Variants in CNOT3 observed in about 807,000 individuals in gnomAD.
CNOT3 encodes the protein CCR4-NOT transcription complex subunit 3.
CNOT3 carries 2 observed loss-of-function variants against 89.4 expected under a neutral mutation model. That is an observed-to-expected ratio of 0.02 (90% confidence interval 0.01 to 0.07). The LOEUF is 0.07. Ranked by LOEUF, CNOT3 falls within the 10% of genes least tolerant of loss-of-function variation. The pLI is 1.00. For missense variants in CNOT3, 664 were observed against 1,010.2 expected (o/e 0.66, Z 4.65); for synonymous variants, 486 against 402.0 (o/e 1.21, Z -2.50).
rs763271306 is a variant in CNOT3 at position 54,145,885 on chromosome 19, G to C, written c.704-25G>C. 1.9e-6 allele frequency: 3 copies of C among 1,612,530 alleles called. No homozygotes were observed. In the African/African-American group the frequency reaches 4.0e-5, roughly 22 times the overall value. The stretch of plus-strand genomic sequence containing the variant: ...AGAATGGGCTGTGTGAGCCAGCTAA[G>C]CATGCCCTTCTTCTGCCCCCACAGC... On this transcript the variant is annotated intron_variant, in intron 8 of 17. Transcript: ENST00000221232. The surrounding 1 kb of genome is among the most constrained non-coding windows in gnomAD (Gnocchi z 5.9).
intron 17 of CNOT3, chr19:54,154,999 G>T: frequency 4.4e-6 from 2 of 459,758 alleles, no homozygotes; most frequent in Non-Finnish European, 7.8e-6. Flanking sequence ...CGTGAGAGGT[G>T]CTCAAAAGCC....
At position 54,145,282 on chromosome 19, in the gene CNOT3, A is replaced by G. The variant is rs1422450717; in HGVS notation, c.484-316A>G. 1.3e-5 allele frequency among the ~76,000 whole-genome samples: 2 copies of G among 152,148 alleles called. No homozygotes were observed. The highest frequency in any genetic ancestry group is 3.8e-4 in the East Asian group (2 of 5,200). On this transcript the variant is annotated intron_variant, in intron 7 of 17. Coordinates refer to ENST00000221232, the MANE Select transcript of CNOT3 (RefSeq NM_014516.4). The surrounding 1 kb of genome is among the most constrained non-coding windows in gnomAD (Gnocchi z 5.9). ...GCTCAGTTGAGAAATCTGGGCTGTC[A>G]GGTGAGGTGCAGATGGAGGCCAAGT...
intron 17 of CNOT3, chr19:54,154,104 C>T (rs562623735): frequency 1.5e-6 from 1 of 675,192 alleles, no homozygotes; most frequent in Non-Finnish European, 2.8e-6. Flanking sequence ...GCCACCCAGC[C>T]CAGTGCCTCC....
At chr19:54,142,854 C>G (rs1289856171) in intron 1 of CNOT3, 75 bp from the exon 2 acceptor site, 1 of 933,430 alleles carries the variant, frequency 1.1e-6, no homozygotes, top group Non-Finnish European at 1.7e-6. Flanking sequence ...CCTCACTATG[C>G]TGACTAGGTC....
intron 10 of CNOT3, among the ~76,000 whole-genome samples, chr19:54,147,331 G>A (rs967720568): frequency 6.6e-6 from 1 of 152,222 alleles, no homozygotes; most frequent in East Asian, 1.9e-4. Flanking sequence ...GACACCCTGA[G>A]TGGGCATTGA....
Position 54,145,838 on chromosome 19 carries a change from G to C in CNOT3, c.703+21G>C. 6.2e-7 allele frequency: 1 copy of C among 1,608,456 alleles called. No individual in the cohort carries two copies. Among genetic ancestry groups the C allele is most frequent in the Non-Finnish European group, 8.5e-7 (1 of 1,175,536 alleles). On this transcript the variant is annotated intron_variant, in intron 8 of 17. Transcript: ENST00000221232. The surrounding 1 kb of genome is among the most constrained non-coding windows in gnomAD (Gnocchi z 5.9). ...CATTCGTGAGGCCCTGGGGCTGATCGTGGCACAGGAAGTGAGGGCCCAGAA... is the reference window on the plus strand; with the variant it reads ...CATTCGTGAGGCCCTGGGGCTGATCCTGGCACAGGAAGTGAGGGCCCAGAA...
intron 16 of CNOT3, 97 bp from the exon 17 acceptor site, chr19:54,153,618 G>A: frequency 1.1e-6 from 1 of 910,050 alleles, no homozygotes; most frequent in Non-Finnish European, 1.9e-6. Context: ...GTCTGTGGCG[G>A]GGGCCGGGGT....
At chr19:54,146,703 T>A (rs1397888934) in intron 10 of CNOT3, 46 bp downstream of exon 10, 3 of 1,068,244 alleles carry the variant, frequency 2.8e-6, no homozygotes, top group Non-Finnish European at 4.4e-6. Flanking sequence ...CACTCCTCTG[T>A]TGCTTCCCAA....
At chr19:54,152,811 T>C (rs1478173453) in intron 15 of CNOT3, 56 bp from the exon 16 acceptor site, 36 of 911,282 alleles carry the variant, frequency 4.0e-5, no homozygotes, top group Non-Finnish European at 5.7e-5. Flanking sequence ...GAGCACCCTT[T>C]TGATCACGAC....
rs1303201189 is a variant in CNOT3 at position 54,149,554 on chromosome 19, C to T, written c.1407-6C>T. 2 of 1,566,902 alleles carry T rather than the reference C, an allele frequency of 1.3e-6. No homozygotes were observed. The highest frequency in any genetic ancestry group is 1.4e-5 in the African/African-American group (1 of 73,560). ...CTCAACCCCCTCTTCCATGCTCTCT[C>T]TCCAGGAAGGAACCCAGTGCGGCAG... On this transcript the variant is annotated splice_polypyrimidine_tract_variant and splice_region_variant and intron_variant, in intron 12 of 17. Transcript: ENST00000221232.
rs780680395 is a variant in CNOT3 at position 54,148,413 on chromosome 19, A to G, written c.1160A>G (p.Gln387Arg). The change falls in exon 11 of 18, where the codon CAG becomes CGG. Residue 387 changes from glutamine to arginine, a missense_variant. By Grantham distance (43) the Gln-to-Arg change is conservative. This residue lies in a region of CNOT3 where 545 missense variants were observed against 566.2 expected (regional missense o/e 0.96). Coordinates refer to ENST00000221232, the MANE Select transcript of CNOT3 (RefSeq NM_014516.4). The surrounding 1 kb of genome is among the most constrained non-coding windows in gnomAD (Gnocchi z 6.3). ...GCTCCCAGTGGGCCCAGCACGACCCAGCCCCGGCCCCCCAGCGTCCAGCCT... is the reference window on the plus strand; with the variant it reads ...GCTCCCAGTGGGCCCAGCACGACCCGGCCCCGGCCCCCCAGCGTCCAGCCT... ...PPAPSGPSTT[Q>R]PRPPSVQPSG... The G allele has an allele frequency of 1.3e-6, 2 of 1,564,506 alleles. No individual in the cohort carries two copies. Among genetic ancestry groups the G allele is most frequent in the South Asian group, 2.4e-5 (2 of 83,184 alleles).
chr19:54,151,367 A>G (rs1256256741), intron 13 of CNOT3, among the ~76,000 whole-genome samples: 6 of 152,016 alleles, frequency 3.9e-5, no homozygotes, highest in African/African-American at 1.4e-4. Flanking sequence ...TGTGTGGGAC[A>G]TGGTGGCACG....
intron 15 of CNOT3, 111 bp from the exon 16 acceptor site, chr19:54,152,756 C>T (rs1356441422): frequency 2.2e-6 from 2 of 912,844 alleles, no homozygotes; most frequent in Non-Finnish European, 1.8e-6. Context: ...GTCAGCACCG[C>T]CCTGGGTCTT....
rs764874142 is a variant in CNOT3, at chr19:54,152,824, G to T, written c.1905-43G>T. 24 of 960,250 alleles carry T rather than the reference G, an allele frequency of 2.5e-5. No homozygotes were observed. In the East Asian group the frequency reaches 2.9e-4, roughly 12 times the overall value. The allele number at this position is 960,250 out of a possible 1,614,324, so 59.5% of individuals were successfully genotyped here. On this transcript the variant is annotated intron_variant, in intron 15 of 17. Transcript: ENST00000221232. ...CTGAGCACCCTTTTGATCACGACAG[G>T]ACTAGTAGGCAGCTGGCACTGACCT...
In CNOT3 at chr19:54,144,500, G is replaced by A. The variant is rs1163929029; in HGVS notation, c.483+168G>A. Among the ~76,000 whole-genome samples, 2 of 152,222 alleles carry A rather than the reference G, an allele frequency of 1.3e-5. No individual in the cohort carries two copies. The highest frequency in any genetic ancestry group is 2.9e-5 in the Non-Finnish European group (2 of 68,036). On this transcript the variant is annotated intron_variant, in intron 7 of 17. Transcript: ENST00000221232. The surrounding 1 kb of genome is among the most constrained non-coding windows in gnomAD (Gnocchi z 4.8). ...TGAGAGACAGGATTGGGAGGGCTTA[G>A]CAGCTGCACGCGTGGGGCAGGAAGG...
At chr19:54,149,538 C>T in intron 12 of CNOT3, 22 bp from the exon 13 acceptor site, 3 of 1,506,608 alleles carry the variant, frequency 2.0e-6, no homozygotes. Context: ...TCTCAACCCC[C>T]TCTTCCATGC....
Position 54,148,692 on chromosome 19 carries a change from G to C in CNOT3, c.1355G>C (p.Ser452Thr). 6.2e-7 allele frequency: 1 copy of C among 1,611,914 alleles called. No homozygotes were observed. The highest frequency in any genetic ancestry group is 1.3e-5 in the African/African-American group (1 of 74,994). ...LSSSGGNNAS[S>T]QALGPPSGPH... ...AGCAGTGGGGGCAACAATGCCAGCA[G>C]CCAGGCCTTGGGCCCCCCTTCCGGC... is the stretch of plus-strand genomic sequence containing the variant. Residue 452 changes from serine (S) to threonine (T), a missense_variant, in exon 12 of 18, where the codon AGC becomes ACC. This residue lies in a region of CNOT3 where 545 missense variants were observed against 566.2 expected (regional missense o/e 0.96). Coordinates refer to ENST00000221232, the MANE Select transcript of CNOT3 (RefSeq NM_014516.4). The surrounding 1 kb of genome is among the most constrained non-coding windows in gnomAD (Gnocchi z 6.3).
intron 13 of CNOT3, among the ~76,000 whole-genome samples, chr19:54,151,779 C>G (rs1418850252): frequency 6.6e-6 from 1 of 152,162 alleles, no homozygotes; most frequent in African/African-American, 2.4e-5. Context: ...TCACCCCATG[C>G]CAGTCACAGG....
intron 13 of CNOT3, among the ~76,000 whole-genome samples, chr19:54,151,692 C>T (rs587621042): frequency 1.2e-4 from 18 of 152,212 alleles, no homozygotes; most frequent in South Asian, 4.2e-4. Flanking sequence ...GCTGTGGCTG[C>T]GGGGCTGGAG....
Sources: allele counts gnomAD v4.1 joint callset (sites outside exome capture counted in the v4.1 genomes callset), GRCh38; gene constraint gnomAD v4.1.1; regional missense constraint gnomAD v4.1.1; non-coding constraint Gnocchi (gnomAD v3.1); transcripts MANE v1.5; gene names NCBI Gene and HGNC (gene_info 2026-07-23, HGNC 2026-07-21).